RORA: variants seen among roughly 807,000 people sequenced by gnomAD.
RORA encodes nuclear receptor ROR-alpha.
Under a neutral mutation model 69.5 loss-of-function variants are expected in RORA, and 7 were observed. The observed-to-expected ratio is 0.10, with a 90% CI of 0.06 to 0.19. The LOEUF (loss-of-function observed/expected upper bound fraction) is 0.19, where lower values mean the gene tolerates loss of function less well. RORA is among the 10% of genes least tolerant of loss of function. The probability of loss-of-function intolerance (pLI) is 1.00; values close to 1 mark genes in which losing one functional copy is unlikely to be tolerated. For synonymous variants in RORA, 261 were observed against 240.8 expected (o/e 1.08, Z -0.78); for missense variants, 457 against 663.0 (o/e 0.69, Z 3.41).
At chr15:60,513,250 T>G (rs1306427582) in intron 4 of RORA, among the ~76,000 whole-genome samples, 2 of 152,222 alleles carry the variant, frequency 1.3e-5, no homozygotes, top group Non-Finnish European at 2.9e-5. Flanking sequence ...GGGATCTGAA[T>G]TTCAGAACCA....
chr15:60,917,976 T>C (rs529414692), intron 1 of RORA, among the ~76,000 whole-genome samples: 67 of 152,354 alleles, frequency 4.4e-4, no homozygotes, highest in Non-Finnish European at 2.8e-4. Flanking sequence ...AGCTGGGCTT[T>C]CTTCCCATTC....
chr15:60,992,702 T>C (rs1357754702), intron 1 of RORA, among the ~76,000 whole-genome samples: 1 of 152,204 alleles, frequency 6.6e-6, no homozygotes, highest in Non-Finnish European at 1.5e-5. Context: ...CAGAGAGCCA[T>C]TCACACAGGT....
chr15:60,949,757 T>G (rs1893024677), intron 1 of RORA, among the ~76,000 whole-genome samples: 1 of 152,246 alleles, frequency 6.6e-6, no homozygotes, highest in Admixed American at 6.5e-5. Flanking sequence ...ATGTTGCTCC[T>G]CCTTATATCT....
intron 1 of RORA, among the ~76,000 whole-genome samples, chr15:61,047,547 T>C (rs930617731): frequency 2.0e-4 from 30 of 152,186 alleles, no homozygotes; most frequent in African/African-American, 7.0e-4. Context: ...CCTTGGAGTG[T>C]CTCTTCCCTT....
At chr15:61,132,066 T>A (rs2079194535) in intron 1 of RORA, among the ~76,000 whole-genome samples, 1 of 152,232 alleles carries the variant, frequency 6.6e-6, no homozygotes, top group Admixed American at 6.5e-5. Context: ...GAAATCAGAT[T>A]TGCATTCAAG....
At chr15:60,636,225 C>T (rs1244160758) in intron 2 of RORA, among the ~76,000 whole-genome samples, 1 of 152,150 alleles carries the variant, frequency 6.6e-6, no homozygotes, top group Non-Finnish European at 1.5e-5. Flanking sequence ...TACTGTCTGT[C>T]CACCCAGGCT....
intron 3 of RORA, chr15:60,528,760 A>C (rs998032732): frequency 6.6e-6 from 1 of 152,202 alleles, no homozygotes; most frequent in Non-Finnish European, 1.5e-5. Context: ...GCATTCTTCC[A>C]GGTACTTTCC....
chr15:60,603,307 A>T (rs547100591), intron 2 of RORA, among the ~76,000 whole-genome samples: 3 of 152,326 alleles, frequency 2.0e-5, no homozygotes, highest in South Asian at 4.1e-4. Flanking sequence ...ATCATATGGG[A>T]TGGATATATA....
intron 1 of RORA, among the ~76,000 whole-genome samples, chr15:60,973,532 C>T (rs1412426012): frequency 4.6e-5 from 7 of 152,222 alleles, no homozygotes; most frequent in Admixed American, 2.0e-4. Context: ...AGCCTCAAAG[C>T]GTAGCCTGCA....
At chr15:60,906,054 A>G (rs543357389) in intron 1 of RORA, among the ~76,000 whole-genome samples, 12 of 152,330 alleles carry the variant, frequency 7.9e-5, no homozygotes, top group Non-Finnish European at 1.3e-4. Flanking sequence ...TTACTTGAGC[A>G]TCATTAAAAC....
At chr15:60,965,967 C>T (rs1373404240) in intron 1 of RORA, among the ~76,000 whole-genome samples, 5 of 152,098 alleles carry the variant, frequency 3.3e-5, no homozygotes, top group African/African-American at 1.2e-4. Context: ...ACCAAGTAAC[C>T]ATAACAAAGT....
chr15:60,653,019 A>G (rs1282740049), intron 2 of RORA, among the ~76,000 whole-genome samples: 2 of 152,188 alleles, frequency 1.3e-5, no homozygotes, highest in Non-Finnish European at 2.9e-5. Context: ...TCACTTCATA[A>G]TCACCAGACT....
intron 1 of RORA, among the ~76,000 whole-genome samples, chr15:61,223,612 T>C (rs2080119001): frequency 6.6e-6 from 1 of 152,206 alleles, no homozygotes; most frequent in Non-Finnish European, 1.5e-5. Flanking sequence ...TTCTATAATG[T>C]ACAATTGGAA....
At chr15:60,787,203 C>T (rs1213395273) in intron 1 of RORA, among the ~76,000 whole-genome samples, 146 of 152,300 alleles carry the variant, frequency 9.6e-4, no homozygotes, top group East Asian at 1.9e-4. Flanking sequence ...GAACAGAAGG[C>T]CCTGTTACTG....
chr15:60,728,142 C>T lies in RORA; in HGVS notation c.167-49456G>A, dbSNP rs149834749. Among the ~76,000 whole-genome samples, 998 of 152,220 alleles carry T rather than the reference C, an allele frequency of 6.6e-3. 6 individuals carry two copies. The highest frequency in any genetic ancestry group is 0.021 in the East Asian group (110 of 5,184). On this transcript the variant is annotated intron_variant, in intron 1 of 10. Coordinates refer to ENST00000335670, the MANE Select transcript of RORA (RefSeq NM_134261.3). The stretch of plus-strand genomic sequence containing the variant: ...GAAAACCTTACTTCTACTTCCCATC[C>T]GGGTGACTATTCTTCATGTAGAATT...
intron 1 of RORA, among the ~76,000 whole-genome samples, chr15:60,882,239 TA>T (rs367715329): frequency 2.6e-4 from 39 of 152,308 alleles, no homozygotes; most frequent in African/African-American, 9.4e-4. Flanking sequence ...CATTCTCGAT[TA>T]GGGGCAATTT....
chr15:60,683,600 C>T (rs1037819794), intron 1 of RORA, among the ~76,000 whole-genome samples: 2 of 151,458 alleles, frequency 1.3e-5, no homozygotes, highest in African/African-American at 4.9e-5. Flanking sequence ...AAAAATGGCA[C>T]CTTTTGATAA....
At chr15:61,041,637 C>T (rs1896777863) in intron 1 of RORA, among the ~76,000 whole-genome samples, 1 of 152,178 alleles carries the variant, frequency 6.6e-6, no homozygotes, top group Non-Finnish European at 1.5e-5. Context: ...TAGCTCACTG[C>T]AGCCTCGAAC....
intron 1 of RORA, among the ~76,000 whole-genome samples, chr15:60,835,762 G>A (rs561466552): frequency 4.6e-5 from 7 of 152,124 alleles, no homozygotes; most frequent in African/African-American, 7.2e-5. Flanking sequence ...GAATCGTTAC[G>A]ATCCTCTGCT....
Sources: gnomAD v4.1 joint callset for allele counts (sites outside exome capture counted in the v4.1 genomes callset) on GRCh38, gnomAD v4.1.1 for gene constraint, MANE v1.5 for transcripts, NCBI Gene and HGNC (gene_info 2026-07-23, HGNC 2026-07-21) for gene names.